Variants in USP34 observed in about 807,000 individuals in gnomAD.
USP34 encodes the protein ubiquitin carboxyl-terminal hydrolase 34.
In USP34, 70 loss-of-function variants were observed where a neutral mutation model predicts 460.3. The ratio of observed to expected loss-of-function variants is 0.15; its 90% CI spans 0.13 to 0.19. The LOEUF is 0.19. Ranked by LOEUF, USP34 falls within the 10% of genes least tolerant of loss-of-function variation. The pLI is 1.00. For missense variants in USP34, 3,985 were observed against 4,236.2 expected (o/e 0.94, Z 1.65); for synonymous variants, 1,647 against 1,405.3 (o/e 1.17, Z -3.85).
At chr2:61,328,027 T>C (rs1691147478) in intron 20 of USP34, among the ~76,000 whole-genome samples, 1 of 152,208 alleles carries the variant, frequency 6.6e-6, no homozygotes, top group Non-Finnish European at 1.5e-5. Flanking sequence ...ACAGGTGCAG[T>C]GGCTCATGCC....
intron 48 of USP34, among the ~76,000 whole-genome samples, chr2:61,255,530 G>T (rs1178379764): frequency 6.6e-6 from 1 of 152,302 alleles, no homozygotes; most frequent in South Asian, 2.1e-4. Context: ...CATGTAAAAT[G>T]GGGATAATAA....
At chr2:61,263,870 C>T (rs1688970720) in intron 43 of USP34, among the ~76,000 whole-genome samples, 1 of 152,118 alleles carries the variant, frequency 6.6e-6, no homozygotes, top group Non-Finnish European at 1.5e-5. Context: ...GTTGTTTCTG[C>T]TTGTAAATTT....
At chr2:61,395,093 A>G in intron 4 of USP34, 90 bp downstream of exon 4, 2 of 1,447,902 alleles carry the variant, frequency 1.4e-6, no homozygotes, top group African/African-American at 1.4e-5. Flanking sequence ...GAGAAACTCA[A>G]AAGACATATA....
chr2:61,367,507 G>A (rs542238531), intron 10 of USP34, among the ~76,000 whole-genome samples: 1 of 152,262 alleles, frequency 6.6e-6, no homozygotes, highest in East Asian at 1.9e-4. Flanking sequence ...GTTAGACATG[G>A]GAAGTCAAAG....
At chr2:61,328,537 G>GT (rs1301146090) in intron 20 of USP34, among the ~76,000 whole-genome samples, 1 of 152,100 alleles carries the variant, frequency 6.6e-6, no homozygotes, top group Non-Finnish European at 1.5e-5. Context: ...TAGGGAAATT[G>GT]TATCAAAATA....
intron 27 of USP34, among the ~76,000 whole-genome samples, chr2:61,308,556 G>C (rs781117799): frequency 2.0e-5 from 3 of 152,052 alleles, no homozygotes; most frequent in Non-Finnish European, 4.4e-5. Context: ...TACAATACAA[G>C]AAATCTATGA....
intron 1 of USP34, among the ~76,000 whole-genome samples, chr2:61,443,741 C>T (rs1695033721): frequency 6.6e-6 from 1 of 152,152 alleles, no homozygotes; most frequent in South Asian, 2.1e-4. Flanking sequence ...CGACACTGTA[C>T]TGGTGGATAT....
intron 1 of USP34, among the ~76,000 whole-genome samples, chr2:61,460,530 T>C (rs538775241): frequency 6.6e-6 from 1 of 152,232 alleles, no homozygotes; most frequent in East Asian, 1.9e-4. Context: ...AGGTGAAAGT[T>C]CTTAAAATAA....
intron 1 of USP34, among the ~76,000 whole-genome samples, chr2:61,443,600 A>G (rs1695029186): frequency 6.6e-6 from 1 of 152,204 alleles, no homozygotes; most frequent in Admixed American, 6.5e-5. Flanking sequence ...TATGATTTCA[A>G]CTATGTGATG....
intron 15 of USP34, chr2:61,346,373 A>G (rs183351927): frequency 1.3e-3 from 189 of 148,788 alleles, no homozygotes; most frequent in African/African-American, 4.6e-3. Context: ...AAAAAAATTA[A>G]GAATTAGCTA....
At chr2:61,370,660 C>T in intron 8 of USP34, 81 bp from the exon 9 acceptor site, 1 of 1,290,914 alleles carries the variant, frequency 7.7e-7, no homozygotes, top group Admixed American at 2.3e-5. Flanking sequence ...CAATTGAAAA[C>T]CTAAATTTGT....
In USP34 at chr2:61,311,880, A is replaced by T. The variant is rs1485567755; in HGVS notation, c.3573T>A (p.Ile1191=). 6.2e-7 allele frequency: 1 copy of T among 1,613,892 alleles called. No homozygotes were observed. Among genetic ancestry groups the T allele is most frequent in the African/African-American group, 1.3e-5 (1 of 75,044 alleles). The change falls in exon 26 of 80, where the codon ATT becomes ATA. Residue 1191 remains isoleucine (I), a synonymous_variant. Coordinates refer to ENST00000398571, the MANE Select transcript of USP34 (RefSeq NM_014709.4). The part of the protein sequence containing the change: ...RFAYHLRQWQ[I]EGTGISSHLK... Reference sequence around the variant, plus strand: ...AATGACTACTAATACCAGTGCCTTCAATTTGCCACTGTCTCAGATGATATG... The same window carrying T: ...AATGACTACTAATACCAGTGCCTTCTATTTGCCACTGTCTCAGATGATATG...
chr2:61,225,769 G>C (rs1447969526), intron 62 of USP34, among the ~76,000 whole-genome samples: 1 of 152,132 alleles, frequency 6.6e-6, no homozygotes, highest in Non-Finnish European at 1.5e-5. Context: ...TGTTTTATGA[G>C]TGTTTCTGTT....
At chr2:61,223,501 T>C in intron 62 of USP34, 1 of 555,190 alleles carries the variant, frequency 1.8e-6, no homozygotes, top group South Asian at 2.4e-5. Flanking sequence ...AAAGCCCAAA[T>C]GTACTTCATT....
chr2:61,298,394 T>C (rs62149670), intron 29 of USP34, among the ~76,000 whole-genome samples: 2 of 138,404 alleles, frequency 1.4e-5, no homozygotes, highest in East Asian at 4.2e-4. Context: ...AAAAACTAGC[T>C]GGGCGTGGTG....
chr2:61,367,983 A>G (rs1692489768), intron 10 of USP34, among the ~76,000 whole-genome samples: 1 of 152,204 alleles, frequency 6.6e-6, no homozygotes, highest in African/African-American at 2.4e-5. Flanking sequence ...CAAAGAGGCA[A>G]GTAAAAATAA....
intron 1 of USP34, among the ~76,000 whole-genome samples, chr2:61,440,543 G>C (rs985666037): frequency 6.7e-6 from 1 of 148,368 alleles, no homozygotes; most frequent in African/African-American, 2.5e-5. Context: ...TTGAGATGGA[G>C]TTTTGCTCTT....
intron 8 of USP34, among the ~76,000 whole-genome samples, chr2:61,376,558 A>G (rs1309688546): frequency 6.6e-6 from 1 of 152,222 alleles, no homozygotes; most frequent in African/African-American, 2.4e-5. Context: ...TAGCAATTAC[A>G]TAAGGTTCTC....
chr2:61,331,196 AAAGTT>A, intron 20 of USP34, 75 bp downstream of exon 20: 1 of 1,240,686 alleles, frequency 8.1e-7, no homozygotes, highest in Non-Finnish European at 1.1e-6. Context: ...TATATGAAAA[AAAGTT>A]AAAACACTGG....
Sources: gnomAD v4.1 joint callset for allele counts (sites outside exome capture counted in the v4.1 genomes callset) on GRCh38, gnomAD v4.1.1 for gene constraint, MANE v1.5 for transcripts, NCBI Gene and HGNC (gene_info 2026-07-23, HGNC 2026-07-21) for gene names.